Variants in AP5M1 observed in about 807,000 individuals in gnomAD.
AP5M1 encodes the protein AP-5 complex subunit mu-1.
In AP5M1, 44 loss-of-function variants were observed where a neutral mutation model predicts 52.3. The observed-to-expected ratio is 0.84, with a 90% CI of 0.66 to 1.08. The LOEUF is 1.08. AP5M1 is among the 50% of genes least tolerant of loss of function. AP5M1 has a pLI of 0.00. For synonymous variants in AP5M1, 213 were observed against 199.0 expected (o/e 1.07, Z -0.59); for missense variants, 526 against 568.4 (o/e 0.93, Z 0.76).
In AP5M1 at chr14:57,286,296, C is replaced by A. The variant is rs1474203756; in HGVS notation, c.1367C>A (p.Ser456Ter). 8.1e-6 allele frequency: 13 copies of A among 1,610,762 alleles called. No homozygotes were observed. The highest frequency in any genetic ancestry group is 1.1e-5 in the Non-Finnish European group (13 of 1,177,348). Residue 456 changes from serine (S) to a stop codon, truncating the protein, a stop_gained, in exon 7 of 8, where the codon TCA becomes TAA. Transcript: ENST00000261558. LOFTEE classifies it high-confidence loss of function. ...CAGCATTCAGTTCAAGTTTTTGCAT[C>A]AGGAAAACCAAAAATAAGTGCACGT... ...ADQHSVQVFA[S>*]GKPKISAHRK...
chr14:57,273,626 A>G, intron 1 of AP5M1: 3 of 654,782 alleles, frequency 4.6e-6, no homozygotes, highest in Non-Finnish European at 8.3e-6. Context: ...TTCTGATTTT[A>G]TTCTTTTTTA....
At chr14:57,278,922 A>G (rs1322797252) in intron 2 of AP5M1, among the ~76,000 whole-genome samples, 1 of 152,220 alleles carries the variant, frequency 6.6e-6, no homozygotes, top group African/African-American at 2.4e-5. Context: ...GCCAAAAAAC[A>G]TGATAAAAAG....
chr14:57,272,486 C>T lies in AP5M1; in HGVS notation c.75-1758C>T, dbSNP rs145360184. On this transcript the variant is annotated intron_variant, in intron 1 of 7. Transcript: ENST00000261558. ...TCTGGCTTAGGTCGGTATCATACCC[C>T]ATAGTTGTAGGCCCATTTAAGCCTT... 2.7e-3 allele frequency among the ~76,000 whole-genome samples: 410 copies of T among 152,260 alleles called. 9 individuals carry two copies. Among genetic ancestry groups the T allele is most frequent in the Admixed American group, 0.025 (377 of 15,290 alleles).
chr14:57,269,380 A>G lies in AP5M1; in HGVS notation c.66A>G (p.Arg22=). The G allele has an allele frequency of 1.2e-6, 2 of 1,614,110 alleles. No homozygotes were observed. ...GAACTCCACTTTGTGGCACCGTGAG[A>G]TTCTCCAGGTAAATGCAAATCTGAA... ...EPGTPLCGTV[R]FSRRYPTVEK... Residue 22 remains arginine (R), a synonymous_variant, in exon 1 of 8, where the codon AGA becomes AGG. Coordinates refer to ENST00000261558, the MANE Select transcript of AP5M1 (RefSeq NM_018229.4).
chr14:57,278,905 A>G (rs1461588110), intron 2 of AP5M1, among the ~76,000 whole-genome samples: 1 of 152,210 alleles, frequency 6.6e-6, no homozygotes, highest in South Asian at 2.1e-4. Flanking sequence ...AAGAAGACAT[A>G]CATGCAGCCA....
rs1884808268 is a variant in AP5M1, at chr14:57,269,173, C to T, written c.-142C>T. 1 of 739,168 alleles carries T rather than the reference C, an allele frequency of 1.4e-6. No individual in the cohort carries two copies. The highest frequency in any genetic ancestry group is 1.8e-5 in the African/African-American group (1 of 56,926). 45.8% of individuals were successfully genotyped at this position (739,168 alleles called of 1,614,324 possible). A position where few individuals can be genotyped will look rare whatever the true frequency, so the allele number is the denominator to read the frequency against. ...TAGTGACTTCACCTAAAAAAGCTAA[C>T]CTCTCTGCTGAGCGCGACCGGTATG... On this transcript the variant is annotated 5_prime_UTR_variant, in exon 1 of 8. Coordinates refer to ENST00000261558, the MANE Select transcript of AP5M1 (RefSeq NM_018229.4).
rs1368953310 is a variant in AP5M1, at chr14:57,274,585, A to G, written c.416A>G (p.Gln139Arg). 1 of 1,614,062 alleles carries G rather than the reference A, an allele frequency of 6.2e-7. No individual in the cohort carries two copies. The highest frequency in any genetic ancestry group is 8.5e-7 in the Non-Finnish European group (1 of 1,180,022). ...GGCTTTGAATTTCTTTTTGGGATAC[A>G]GGATTTTCTTTATTCAGGTCAAAAA... ...SQGFEFLFGIQDFLYSGQKND... is the reference protein window; with the variant it reads ...SQGFEFLFGIRDFLYSGQKND... Residue 139 changes from glutamine to arginine, a missense_variant, in exon 2 of 8, where the codon CAG becomes CGG. Gln to Arg is a conservative substitution (Grantham distance 43). Coordinates refer to ENST00000261558, the MANE Select transcript of AP5M1 (RefSeq NM_018229.4).
chr14:57,273,605 A>T (rs1884945054), intron 1 of AP5M1: 1 of 612,220 alleles, frequency 1.6e-6, no homozygotes, highest in South Asian at 2.0e-5. Context: ...AACTCAGAAT[A>T]TGCAAAAACA....
Position 57,271,892 on chromosome 14 carries a change from C to A in AP5M1, c.75-2352C>A, listed in dbSNP as rs1884904383. Among the ~76,000 whole-genome samples, 3 of 152,290 alleles carry A rather than the reference C, an allele frequency of 2.0e-5. No homozygotes were observed. In the South Asian group the frequency reaches 6.2e-4, roughly 32 times the overall value. ...TGTGGGTCAGTTTTTCTGACATCAT[C>A]TTTTAAGCAGTATGTCATGTCTTCA... On this transcript the variant is annotated intron_variant, in intron 1 of 7. Transcript: ENST00000261558.
intron 7 of AP5M1, among the ~76,000 whole-genome samples, chr14:57,288,141 G>GGT (rs1365876367): frequency 1.3e-5 from 2 of 151,570 alleles, no homozygotes; most frequent in Non-Finnish European, 2.9e-5. Flanking sequence ...GAAGAAGAAA[G>GGT]GTAGAACAGG....
intron 7 of AP5M1, among the ~76,000 whole-genome samples, chr14:57,287,490 A>G (rs1238863089): frequency 6.6e-6 from 1 of 152,118 alleles, no homozygotes; most frequent in Non-Finnish European, 1.5e-5. Flanking sequence ...AGAGACTGAA[A>G]GCAAACAGAC....
intron 6 of AP5M1, among the ~76,000 whole-genome samples, chr14:57,283,895 A>T (rs1214592287): frequency 1.3e-5 from 2 of 152,106 alleles, no homozygotes; most frequent in Non-Finnish European, 2.9e-5. Flanking sequence ...TTCAAATAGG[A>T]GAATCACCTA....
chr14:57,277,324 C>A (rs941074749), intron 2 of AP5M1, among the ~76,000 whole-genome samples: 2 of 151,946 alleles, frequency 1.3e-5, no homozygotes, highest in African/African-American at 4.8e-5. Context: ...TTCTCTGACC[C>A]TTTACGAATG....
chr14:57,287,745 C>G (rs191951591), intron 7 of AP5M1, among the ~76,000 whole-genome samples: 2 of 152,170 alleles, frequency 1.3e-5, no homozygotes, highest in Non-Finnish European at 2.9e-5. Flanking sequence ...ACAATAAAAT[C>G]TATTTTCATA....
At chr14:57,280,956 T>G (rs1885159380) in intron 3 of AP5M1, among the ~76,000 whole-genome samples, 1 of 152,162 alleles carries the variant, frequency 6.6e-6, no homozygotes, top group Non-Finnish European at 1.5e-5. Flanking sequence ...TTTTTTAATA[T>G]TCCCTAAAAA....
In AP5M1 at chr14:57,291,279, G is replaced by A. The variant is rs1885428728; in HGVS notation, c.*2395G>A. ...TTTGGATAGTGTCAGACCTTCTCTAGATGCAAAATTGCTAAATTCCCTTTT... is the reference window on the plus strand; with the variant it reads ...TTTGGATAGTGTCAGACCTTCTCTAAATGCAAAATTGCTAAATTCCCTTTT... On this transcript the variant is annotated 3_prime_UTR_variant, in exon 8 of 8. Transcript: ENST00000261558. 1 of 151,840 alleles carries A rather than the reference G, an allele frequency of 6.6e-6. No homozygotes were observed. The highest frequency in any genetic ancestry group is 2.1e-4 in the South Asian group (1 of 4,824). 9.4% of individuals were successfully genotyped at this position (151,840 alleles called of 1,614,324 possible). A position where few individuals can be genotyped will look rare whatever the true frequency, so the allele number is the denominator to read the frequency against.
chr14:57,282,058 G>A, intron 3 of AP5M1, 31 bp from the exon 4 acceptor site: 4 of 1,523,408 alleles, frequency 2.6e-6, no homozygotes, highest in Non-Finnish European at 3.5e-6. Flanking sequence ...ATTAACCTGA[G>A]AATTATATAG....
rs1377983245 is a variant in AP5M1, at chr14:57,295,917, A to G, written c.*7033A>G. On this transcript the variant is annotated 3_prime_UTR_variant, in exon 8 of 8. Transcript: ENST00000261558. ...TATGTAATATATGCATTGGAGAAAT[A>G]CCGGTTGATTATTGTGATAACTTTT... The G allele has an allele frequency of 6.6e-6, 1 of 151,970 alleles. No individual in the cohort carries two copies. The highest frequency in any genetic ancestry group is 1.5e-5 in the Non-Finnish European group (1 of 67,936). The allele number at this position is 151,970 out of a possible 1,614,324, so 9.4% of individuals were successfully genotyped here.
Position 57,296,657 on chromosome 14 carries a change from T to C in AP5M1, c.*7773T>C, listed in dbSNP as rs1885559340. 1 of 152,088 alleles carries C rather than the reference T, an allele frequency of 6.6e-6. No individual in the cohort carries two copies. Among genetic ancestry groups the C allele is most frequent in the Non-Finnish European group, 1.5e-5 (1 of 67,976 alleles). The allele number at this position is 152,088 out of a possible 1,614,324, so 9.4% of individuals were successfully genotyped here. A position where few individuals can be genotyped will look rare whatever the true frequency, so the allele number is the denominator to read the frequency against. On this transcript the variant is annotated 3_prime_UTR_variant, in exon 8 of 8. Coordinates refer to ENST00000261558, the MANE Select transcript of AP5M1 (RefSeq NM_018229.4). ...AGTGGTCTCGTGCCATAAGTATTTCTCTCATACATATTAAAATAGCATGTT... is the reference window on the plus strand; with the variant it reads ...AGTGGTCTCGTGCCATAAGTATTTCCCTCATACATATTAAAATAGCATGTT...
Sources: allele counts gnomAD v4.1 joint callset (sites outside exome capture counted in the v4.1 genomes callset), GRCh38; gene constraint gnomAD v4.1.1; transcripts MANE v1.5; gene names NCBI Gene and HGNC (gene_info 2026-07-23, HGNC 2026-07-21).